The following TBC1D2B variants were observed in gnomAD, a reference collection of about 807,000 sequenced individuals.
TBC1D2B encodes TBC1 domain family member 2B, also known as TBC1 domain family, member 2B.
TBC1D2B carries 64 observed loss-of-function variants against 100.8 expected under a neutral mutation model. The ratio of observed to expected loss-of-function variants is 0.64; its 90% CI spans 0.52 to 0.78. The LOEUF is 0.78. TBC1D2B is among the 30% of genes least tolerant of loss of function. The pLI is 0.00. For missense variants in TBC1D2B, 1,052 were observed against 1,218.4 expected (o/e 0.86, Z 2.03); for synonymous variants, 480 against 479.7 (o/e 1.00, Z -0.01).
rs751694752 is a variant in TBC1D2B, at chr15:78,054,192, A to G, written c.361-5T>C. The G allele has an allele frequency of 5.0e-6, 8 of 1,608,596 alleles. No individual in the cohort carries two copies. Among genetic ancestry groups the G allele is most frequent in the Non-Finnish European group, 6.8e-6 (8 of 1,178,274 alleles). ...CATGAGTTGACGATTGGGAGCCTAG[A>G]AAGAGGGAGGGGAAAAACATGTTAT... is the stretch of plus-strand genomic sequence containing the variant. On this transcript the variant is annotated splice_region_variant and splice_polypyrimidine_tract_variant and intron_variant, in intron 1 of 12. Coordinates refer to ENST00000300584, the MANE Select transcript of TBC1D2B (RefSeq NM_144572.2).
chr15:78,073,258 A>G (rs752896373), intron 1 of TBC1D2B, among the ~76,000 whole-genome samples: 5 of 152,250 alleles, frequency 3.3e-5, no homozygotes, highest in Non-Finnish European at 5.9e-5. Context: ...AGAAATTCCT[A>G]TATCAGCTTT....
Position 77,995,043 on chromosome 15 carries a change from T to G in TBC1D2B, c.*3117A>C, listed in dbSNP as rs1284223813. On this transcript the variant is annotated 3_prime_UTR_variant, in exon 13 of 13. Transcript: ENST00000300584. ...AGTATTACAGTTCCAAAACGTAACT[T>G]GAAGGTCAGCACAGGAGCTGCTGTG... is the stretch of plus-strand genomic sequence containing the variant. 1 of 152,232 alleles carries G rather than the reference T, an allele frequency of 6.6e-6. No individual in the cohort carries two copies. The highest frequency in any genetic ancestry group is 6.5e-5 in the Admixed American group (1 of 15,290). 9.4% of individuals were successfully genotyped at this position (152,232 alleles called of 1,614,324 possible).
intron 6 of TBC1D2B, among the ~76,000 whole-genome samples, chr15:78,021,447 C>T (rs2072513788): frequency 6.6e-6 from 1 of 152,238 alleles, no homozygotes; most frequent in African/African-American, 2.4e-5. Context: ...CACACGAGAA[C>T]ACCCACTTCT....
rs1289297781 is a variant in TBC1D2B at position 78,040,325 on chromosome 15, A to G, written c.683+4575T>C. Reference sequence around the variant, plus strand: ...CTTAAAACAAACACATGCACCTGTAAAGGTGTATGTAAATGTGCACTCATC... The same window carrying G: ...CTTAAAACAAACACATGCACCTGTAGAGGTGTATGTAAATGTGCACTCATC... On this transcript the variant is annotated intron_variant, in intron 3 of 12. Transcript: ENST00000300584. Among the ~76,000 whole-genome samples, 4 of 152,322 alleles carry G rather than the reference A, an allele frequency of 2.6e-5. No homozygotes were observed. The South Asian group carries it at 8.3e-4, about 32-fold the overall frequency.
intron 2 of TBC1D2B, among the ~76,000 whole-genome samples, chr15:78,047,472 C>A (rs936080933): frequency 6.6e-6 from 1 of 152,106 alleles, no homozygotes; most frequent in African/African-American, 2.4e-5. Flanking sequence ...CCAGACCCTT[C>A]CTGTGAGTCT....
rs766855694 is a variant in TBC1D2B, at chr15:77,997,520, A to T, written c.*640T>A. 4 of 152,354 alleles carry T rather than the reference A, an allele frequency of 2.6e-5. No homozygotes were observed. Among genetic ancestry groups the T allele is most frequent in the Admixed American group, 1.3e-4 (2 of 15,286 alleles). The allele number at this position is 152,354 out of a possible 1,614,324, so 9.4% of individuals were successfully genotyped here. A position where few individuals can be genotyped will look rare whatever the true frequency, so the allele number is the denominator to read the frequency against. On this transcript the variant is annotated 3_prime_UTR_variant, in exon 13 of 13. Coordinates refer to ENST00000300584, the MANE Select transcript of TBC1D2B (RefSeq NM_144572.2). ...AGGCCCTCCCCATGCAGGCTGGAAG[A>T]CACTGATGGAAGGGTTGCGTGTGGA...
chr15:78,052,024 C>G (rs1029401749), intron 2 of TBC1D2B, among the ~76,000 whole-genome samples: 1 of 152,236 alleles, frequency 6.6e-6, no homozygotes, highest in African/African-American at 2.4e-5. Context: ...AGGCACTCCA[C>G]TGCTCTTAGG....
intron 3 of TBC1D2B, among the ~76,000 whole-genome samples, chr15:78,039,751 TACAC>T (rs3972618): frequency 0.15 from 21,691 of 147,536 alleles, 1,651 homozygotes; most frequent in Non-Finnish European, 0.19. Flanking sequence ...AGAGGCTTAC[TACAC>T]ACACACACAC....
intron 1 of TBC1D2B, among the ~76,000 whole-genome samples, chr15:78,067,074 G>A (rs2073670432): frequency 6.6e-6 from 1 of 152,206 alleles, no homozygotes; most frequent in Non-Finnish European, 1.5e-5. Context: ...AATGGATTAC[G>A]ACAGATATAT....
intron 12 of TBC1D2B, chr15:77,999,104 T>C (rs2071843569): frequency 8.9e-6 from 3 of 337,886 alleles, no homozygotes; most frequent in Non-Finnish European, 1.8e-5. Flanking sequence ...GATCACAAAA[T>C]AGGCCAGTTC....
intron 1 of TBC1D2B, among the ~76,000 whole-genome samples, chr15:78,068,385 A>C (rs1047719637): frequency 1.6e-5 from 2 of 126,158 alleles, no homozygotes; most frequent in South Asian, 5.0e-4. Context: ...CACCACACCC[A>C]CACACACACA....
At chr15:78,040,880 AAGAGAGAGAG>A (rs374888157) in intron 3 of TBC1D2B, among the ~76,000 whole-genome samples, 1 of 147,854 alleles carries the variant, frequency 6.8e-6, no homozygotes, top group African/African-American at 2.5e-5. Flanking sequence ...GAAAGAAAGA[AAGAGAGAGAG>A]AGAGAAAGAA....
rs998978910 is a variant in TBC1D2B at position 77,998,040 on chromosome 15, G to A, written c.*120C>T. 1.0e-6 allele frequency: 1 copy of A among 1,003,198 alleles called. No individual in the cohort carries two copies. The highest frequency in any genetic ancestry group is 1.7e-5 in the African/African-American group (1 of 60,102). The allele number at this position is 1,003,198 out of a possible 1,614,324, so 62.1% of individuals were successfully genotyped here. Reference sequence around the variant, plus strand: ...AAATGAGGAAGGGCAGCCTGGCTTGGGACATCTGCCCAGCAGATCCCCAGA... The same window carrying A: ...AAATGAGGAAGGGCAGCCTGGCTTGAGACATCTGCCCAGCAGATCCCCAGA... On this transcript the variant is annotated 3_prime_UTR_variant, in exon 13 of 13. Transcript: ENST00000300584.
chr15:78,016,478 T>C (rs1278664368), intron 8 of TBC1D2B, 68 bp downstream of exon 8: 14 of 1,466,636 alleles, frequency 9.5e-6, no homozygotes, highest in Non-Finnish European at 1.3e-5. Context: ...CTGCGAATGG[T>C]TCCTGCTGTT....
At chr15:78,030,746 A>G (rs1466253334) in intron 3 of TBC1D2B, among the ~76,000 whole-genome samples, 1 of 152,238 alleles carries the variant, frequency 6.6e-6, no homozygotes, top group Non-Finnish European at 1.5e-5. Context: ...AAATTCTTAC[A>G]TATGTGCACA....
chr15:78,017,583 C>A (rs774684501), intron 7 of TBC1D2B, among the ~76,000 whole-genome samples: 1 of 152,164 alleles, frequency 6.6e-6, no homozygotes, highest in African/African-American at 2.4e-5. Flanking sequence ...AAACTGAACA[C>A]ATTTTCTGTA....
chr15:78,011,957 T>C (rs763334075), intron 9 of TBC1D2B, among the ~76,000 whole-genome samples: 3 of 152,066 alleles, frequency 2.0e-5, no homozygotes, highest in Non-Finnish European at 4.4e-5. Context: ...AATTTTTTTG[T>C]AGGGACGGGG....
At position 78,017,949 on chromosome 15, in the gene TBC1D2B, T is replaced by C. The variant is rs1049027838; in HGVS notation, c.1479A>G (p.Leu493=). 4 of 1,572,548 alleles carry C rather than the reference T, an allele frequency of 2.5e-6. No individual in the cohort carries two copies. Among genetic ancestry groups the C allele is most frequent in the Admixed American group, 3.7e-5 (2 of 54,600 alleles). The change falls in exon 7 of 13, where the codon CTA becomes CTG. Residue 493 remains leucine (L), a synonymous_variant. Transcript: ENST00000300584. ...ATTTGTTTTGGGTTTTGTACCCCTGTAGATTATCCTGTTAGAAAAAAAAAA... is the reference window on the plus strand; with the variant it reads ...ATTTGTTTTGGGTTTTGTACCCCTGCAGATTATCCTGTTAGAAAAAAAAAA... ...QLELDRLKDN[L]QGYKTQNKFL... is the part of the protein sequence containing the mutation.
At chr15:78,046,888 G>C (rs1353148636) in intron 2 of TBC1D2B, among the ~76,000 whole-genome samples, 1 of 152,226 alleles carries the variant, frequency 6.6e-6, no homozygotes. Flanking sequence ...CCTGTGCTGC[G>C]CAGGCTTGGA....
Sources: gnomAD v4.1 joint callset for allele counts (sites outside exome capture counted in the v4.1 genomes callset) on GRCh38, gnomAD v4.1.1 for gene constraint, MANE v1.5 for transcripts, NCBI Gene and HGNC (gene_info 2026-07-23, HGNC 2026-07-21) for gene names.